OR51B5: variants seen among roughly 807,000 people sequenced by gnomAD.
OR51B5 encodes the protein olfactory receptor 51B5.
For synonymous variants in OR51B5, 186 were observed against 144.8 expected, an observed-to-expected ratio of 1.28 and a Z score of -2.04; for missense variants, 456 against 374.6, an observed-to-expected ratio of 1.22 and a Z score of -1.79.
intron 1 of OR51B5, among the ~76,000 whole-genome samples, chr11:5,436,409 C>T (rs1172544635): frequency 6.6e-6 from 1 of 152,216 alleles, no homozygotes; most frequent in African/African-American, 2.4e-5. Context: ...AATGGTCTTT[C>T]AGCTCTCTTT....
At position 5,463,402 on chromosome 11, in the gene OR51B5, T is replaced by C. The variant is rs1851088959; in HGVS notation, n.84+42167A>G. On this transcript the variant is annotated intron_variant and non_coding_transcript_variant, in intron 1 of 4. Transcript: ENST00000415970. ...GTATGGATGACATACTGATCTCAACTAATAGAAATGCAAACAGCAGTACTG... is the reference window on the plus strand; with the variant it reads ...GTATGGATGACATACTGATCTCAACCAATAGAAATGCAAACAGCAGTACTG... Among the ~76,000 whole-genome samples, 3 of 152,224 alleles carry C rather than the reference T, an allele frequency of 2.0e-5. 1 individual carries two copies. The South Asian group carries it at 6.2e-4, about 31-fold the overall frequency.
At chr11:5,408,346 TCCTCCCTTCCTCCCTTCCTC>T (rs1269742231) in intron 1 of OR51B5, among the ~76,000 whole-genome samples, 1 of 45,110 alleles carries the variant, frequency 2.2e-5, no homozygotes, top group Non-Finnish European at 4.1e-5. Flanking sequence ...TTCCTTCCCT[TCCTCCCTTCCTCCCTTCCTC>T]CCTCCCTCCC....
chr11:5,402,974 T>C (rs1430382069), intron 1 of OR51B5: 2 of 471,296 alleles, frequency 4.2e-6, no homozygotes, highest in Middle Eastern at 3.2e-4. Context: ...TTGGACCGCT[T>C]TATAGCCATC....
In OR51B5 at chr11:5,418,354, A is replaced by T. The variant is rs1400926683; in HGVS notation, n.85-71444T>A. 1.1e-4 allele frequency among the ~76,000 whole-genome samples: 17 copies of T among 152,138 alleles called. 1 individual carries two copies. On this transcript the variant is annotated intron_variant and non_coding_transcript_variant, in intron 1 of 4. Coordinates refer to the OR51B5 transcript ENST00000415970. ...GCACCAGCATGTCACATGTATACAT[A>T]TGTAACTAACCTGCACATTGTGCAC... is the stretch of plus-strand genomic sequence containing the variant.
chr11:5,470,872 A>G (rs546523799), intron 1 of OR51B5, among the ~76,000 whole-genome samples: 2 of 152,336 alleles, frequency 1.3e-5, no homozygotes, highest in African/African-American at 4.8e-5. Flanking sequence ...GCTTAGTATC[A>G]TGCCTCTGTC....
Position 5,500,602 on chromosome 11 carries a change from C to T in OR51B5, n.84+4967G>A, listed in dbSNP as rs147609727. Among the ~76,000 whole-genome samples, 4 of 147,988 alleles carry T rather than the reference C, an allele frequency of 2.7e-5. 1 individual carries two copies. The highest frequency in any genetic ancestry group is 2.0e-4 in the East Asian group (1 of 5,108). ...ACCACACCTTGCAATTAAGCCGCTT[C>T]GACGAGGACATCTTTCCAGTAATAG... On this transcript the variant is annotated intron_variant and non_coding_transcript_variant, in intron 1 of 4. Coordinates refer to the OR51B5 transcript ENST00000415970.
chr11:5,366,795 TG>T (rs1849376397), intron 1 of OR51B5, among the ~76,000 whole-genome samples: 1 of 152,066 alleles, frequency 6.6e-6, no homozygotes. Flanking sequence ...AATTAAAATT[TG>T]GGAAAATAAG....
At chr11:5,414,040 C>T (rs563147826) in intron 1 of OR51B5, among the ~76,000 whole-genome samples, 14 of 150,290 alleles carry the variant, frequency 9.3e-5, no homozygotes, top group African/African-American at 2.7e-4. Flanking sequence ...AGAGAAAGGT[C>T]GGGTTACCCT....
intron 1 of OR51B5, among the ~76,000 whole-genome samples, chr11:5,356,417 G>C (rs1389556056): frequency 2.0e-5 from 3 of 150,116 alleles, no homozygotes; most frequent in African/African-American, 4.9e-5. Flanking sequence ...AAGAAGAGAA[G>C]TTTAGAGAAA....
At chr11:5,390,437 A>T in intron 1 of OR51B5, 1 of 1,423,208 alleles carries the variant, frequency 7.0e-7, no homozygotes, top group Non-Finnish European at 9.4e-7. Context: ...TTGGACTGAA[A>T]ATTTGGAGTA....
chr11:5,399,519 C>T (rs1849935147), intron 1 of OR51B5, among the ~76,000 whole-genome samples: 1 of 152,124 alleles, frequency 6.6e-6, no homozygotes, highest in East Asian at 1.9e-4. Flanking sequence ...TAAGATTCAC[C>T]TCCAATTCTG....
At chr11:5,441,275 A>T in intron 1 of OR51B5, 1 of 1,613,912 alleles carries the variant, frequency 6.2e-7, no homozygotes, top group Non-Finnish European at 8.5e-7. Flanking sequence ...TCACAGTGGG[A>T]AGTGTAGAAA....
intron 1 of OR51B5, among the ~76,000 whole-genome samples, chr11:5,409,377 A>C (rs1165581263): frequency 2.0e-5 from 3 of 152,234 alleles, no homozygotes; most frequent in Non-Finnish European, 4.4e-5. Context: ...AGAACTTTGA[A>C]TTAACTAAAG....
At chr11:5,380,657 A>G (rs1029304004) in intron 1 of OR51B5, among the ~76,000 whole-genome samples, 1 of 152,170 alleles carries the variant, frequency 6.6e-6, no homozygotes, top group Non-Finnish European at 1.5e-5. Context: ...TGAGATTACC[A>G]TCTGTAAAAA....
At position 5,441,303 on chromosome 11, in the gene OR51B5, T is replaced by A; in HGVS notation, n.84+64266A>T. 1.2e-5 allele frequency: 20 copies of A among 1,613,878 alleles called. No homozygotes were observed. Among genetic ancestry groups the A allele is most frequent in the Non-Finnish European group, 1.7e-5 (20 of 1,179,872 alleles). On this transcript the variant is annotated intron_variant and non_coding_transcript_variant, in intron 1 of 4. Coordinates refer to the OR51B5 transcript ENST00000415970. ...TGTAGAAAAGGACACTCCCAGATCA[T>A]TGAGAGCGAGCATAGAGAGGAAGTA...
chr11:5,457,793 C>G (rs1016441420), intron 1 of OR51B5, among the ~76,000 whole-genome samples: 11 of 152,058 alleles, frequency 7.2e-5, no homozygotes, highest in African/African-American at 2.7e-4. Flanking sequence ...TCTTTATGTC[C>G]TTTGCCCATT....
At chr11:5,373,096 G>C (rs561011632) in intron 1 of OR51B5, among the ~76,000 whole-genome samples, 47 of 152,176 alleles carry the variant, frequency 3.1e-4, no homozygotes, top group Non-Finnish European at 6.5e-4. Flanking sequence ...AAATAGTGTT[G>C]GGAAAACTGG....
At chr11:5,412,732 C>A (rs1400839553) in intron 1 of OR51B5, among the ~76,000 whole-genome samples, 14 of 151,994 alleles carry the variant, frequency 9.2e-5, no homozygotes, top group Non-Finnish European at 1.9e-4. Context: ...GGCAGCCAGG[C>A]TGGGGGAGGG....
chr11:5,501,792 G>T lies in OR51B5; in HGVS notation n.84+3777C>A, dbSNP rs1846294169. Among the ~76,000 whole-genome samples the T allele has an allele frequency of 7.4e-5, 11 of 148,030 alleles. 1 individual carries two copies. The Admixed American group carries it at 7.7e-4, about 10-fold the overall frequency. Reference sequence around the variant, plus strand: ...CTCCCTGTTTATTATTATACTTTAAGTTCTAGGGTACATGTGCACAACGTG... The same window carrying T: ...CTCCCTGTTTATTATTATACTTTAATTTCTAGGGTACATGTGCACAACGTG... On this transcript the variant is annotated intron_variant and non_coding_transcript_variant, in intron 1 of 4. Transcript: ENST00000415970.
Sources: gnomAD v4.1 joint callset for allele counts (sites outside exome capture counted in the v4.1 genomes callset) on GRCh38, gnomAD v4.1.1 for gene constraint, MANE v1.5 for transcripts, NCBI Gene and HGNC (gene_info 2026-07-23, HGNC 2026-07-21) for gene names.